The following DOCK4 variants were observed in gnomAD, a reference collection of about 807,000 sequenced individuals.
The protein encoded by DOCK4 is dedicator of cytokinesis 4.
Under a neutral mutation model 268.1 loss-of-function variants are expected in DOCK4, and 97 were observed. The observed-to-expected ratio is 0.36, with a 90% CI of 0.31 to 0.43. The LOEUF is 0.43. Among genes scored for constraint, DOCK4 ranks in the 20% least tolerant of loss-of-function variants. DOCK4 has a pLI of 1.00. For missense variants in DOCK4, 2,145 were observed against 2,455.7 expected, an observed-to-expected ratio of 0.87 and a Z score of 2.67; for synonymous variants, 954 against 887.2, an observed-to-expected ratio of 1.08 and a Z score of -1.34.
intron 1 of DOCK4, among the ~76,000 whole-genome samples, chr7:112,162,338 GC>G (rs373853147): frequency 3.2e-4 from 48 of 152,092 alleles, no homozygotes; most frequent in African/African-American, 1.1e-3. Flanking sequence ...TGGTACCCCA[GC>G]CCCCTTGCCT....
chr7:111,752,588 T>G (rs921693602), intron 42 of DOCK4, among the ~76,000 whole-genome samples: 2 of 141,948 alleles, frequency 1.4e-5, no homozygotes, highest in African/African-American at 2.6e-5. Flanking sequence ...GTTTTTTTTT[T>G]TTTTTTTTTT....
rs202207944 is a variant in DOCK4 at position 111,736,963 on chromosome 7, G to A, written c.5259C>T (p.Asp1753=). 4.0e-4 allele frequency: 646 copies of A among 1,604,826 alleles called. 1 individual carries two copies. The highest frequency in any genetic ancestry group is 4.7e-4 in the Non-Finnish European group (551 of 1,175,592). ...TTGGGTCACTGCGTGGCAAGGCCCC[G>A]TCTCCAATATGATTAAACAGCATCC... is the stretch of plus-strand genomic sequence containing the variant. ...SQRMLFNHIG[D]GALPRSDPNL... The change falls in exon 50 of 53, where the codon GAC becomes GAT. Residue 1753 remains aspartate, a synonymous_variant. Coordinates refer to ENST00000428084, the MANE Select transcript of DOCK4 (RefSeq NM_001363540.2).
At chr7:111,785,577 A>C (rs1278240192) in intron 32 of DOCK4, among the ~76,000 whole-genome samples, 1 of 152,178 alleles carries the variant, frequency 6.6e-6, no homozygotes, top group African/African-American at 2.4e-5. Context: ...CTCAAGACCA[A>C]ATGTTAGGAC....
intron 1 of DOCK4, among the ~76,000 whole-genome samples, chr7:112,164,912 C>T (rs925280498): frequency 6.6e-6 from 1 of 152,146 alleles, no homozygotes; most frequent in African/African-American, 2.4e-5. Context: ...TTATTACAAC[C>T]TGGTGAAACA....
chr7:112,004,668 G>A (rs916195746), intron 1 of DOCK4, among the ~76,000 whole-genome samples: 1 of 152,190 alleles, frequency 6.6e-6, no homozygotes, highest in Non-Finnish European at 1.5e-5. Context: ...CCAGAGCCTA[G>A]CATAGTATGT....
At chr7:112,039,604 C>A (rs984569531) in intron 1 of DOCK4, among the ~76,000 whole-genome samples, 1 of 152,038 alleles carries the variant, frequency 6.6e-6, no homozygotes, top group Non-Finnish European at 1.5e-5. Context: ...GCCCCCCGAG[C>A]CAGCTTTACC....
At chr7:112,190,090 T>C (rs1164986088) in intron 1 of DOCK4, among the ~76,000 whole-genome samples, 1 of 152,192 alleles carries the variant, frequency 6.6e-6, no homozygotes, top group Non-Finnish European at 1.5e-5. Context: ...GGATTATACA[T>C]CCTGGACAAC....
In DOCK4 at chr7:112,206,212, C is replaced by A; in HGVS notation, c.-74G>T. On this transcript the variant is annotated 5_prime_UTR_variant, in exon 1 of 53. Transcript: ENST00000428084. ...TCTCCGGCTCACAACAATGCACAGT[C>A]CCCGAGCAGCGCTGCAGTGCCGGAG... 2 of 1,484,226 alleles carry A rather than the reference C, an allele frequency of 1.3e-6. No individual in the cohort carries two copies. Among genetic ancestry groups the A allele is most frequent in the Non-Finnish European group, 1.8e-6 (2 of 1,086,808 alleles). 91.9% of individuals were successfully genotyped at this position (1,484,226 alleles called of 1,614,324 possible).
rs1026631752 is a variant in DOCK4, at chr7:112,144,778, A to G, written c.37+61324T>C. 2.0e-5 allele frequency among the ~76,000 whole-genome samples: 3 copies of G among 152,130 alleles called. No individual in the cohort carries two copies. In the South Asian group the frequency reaches 6.2e-4, roughly 32 times the overall value. ...CTGTAACTACACTCTGCACACCAAA[A>G]TACCACATCTCTAAAGCACACTGTG... On this transcript the variant is annotated intron_variant, in intron 1 of 52. Coordinates refer to ENST00000428084, the MANE Select transcript of DOCK4 (RefSeq NM_001363540.2).
intron 28 of DOCK4, among the ~76,000 whole-genome samples, chr7:111,809,914 A>T (rs1800962698): frequency 6.6e-6 from 1 of 152,056 alleles, no homozygotes; most frequent in African/African-American, 2.4e-5. Flanking sequence ...GCCCAGGCAA[A>T]TCTTTTAAGT....
intron 8 of DOCK4, among the ~76,000 whole-genome samples, chr7:111,965,221 T>G (rs370999473): frequency 1.6e-3 from 14 of 8,708 alleles, no homozygotes; most frequent in African/African-American, 5.1e-3. Context: ...ACTTTAAATA[T>G]AAATGGACTA....
At chr7:111,971,094 G>A (rs73207434) in intron 8 of DOCK4, 18,190 of 152,166 alleles carry the variant, frequency 0.12, 1,147 homozygotes, top group Middle Eastern at 0.18. Context: ...CTTCTGTATT[G>A]GACACATCTA....
At chr7:112,054,077 T>G (rs1283754228) in intron 1 of DOCK4, among the ~76,000 whole-genome samples, 1 of 152,124 alleles carries the variant, frequency 6.6e-6, no homozygotes, top group East Asian at 1.9e-4. Flanking sequence ...ATCACAGCAC[T>G]TTGAGAGGCC....
chr7:111,765,729 G>A (rs1239642914), intron 38 of DOCK4, among the ~76,000 whole-genome samples: 1 of 152,158 alleles, frequency 6.6e-6, no homozygotes, highest in Non-Finnish European at 1.5e-5. Context: ...GCACAGGTTG[G>A]GCAAGGATAA....
At chr7:111,805,870 C>G (rs1800629087) in intron 30 of DOCK4, among the ~76,000 whole-genome samples, 1 of 152,104 alleles carries the variant, frequency 6.6e-6, no homozygotes, top group Admixed American at 6.5e-5. Context: ...ATCTTATTTT[C>G]TAAAAGTTAG....
chr7:111,992,178 T>C (rs1799597014), intron 5 of DOCK4, among the ~76,000 whole-genome samples: 1 of 152,138 alleles, frequency 6.6e-6, no homozygotes, highest in Non-Finnish European at 1.5e-5. Context: ...CAACTAGCAC[T>C]TTTCAAGCAT....
At chr7:112,051,601 A>C (rs1351543314) in intron 1 of DOCK4, among the ~76,000 whole-genome samples, 1 of 152,084 alleles carries the variant, frequency 6.6e-6, no homozygotes, top group Non-Finnish European at 1.5e-5. Flanking sequence ...TTAATAGGTC[A>C]GGAGATCAGA....
At chr7:111,796,172 G>A (rs1231484238) in intron 30 of DOCK4, among the ~76,000 whole-genome samples, 1 of 152,152 alleles carries the variant, frequency 6.6e-6, no homozygotes, top group Non-Finnish European at 1.5e-5. Context: ...TCTATCACAG[G>A]AGGCGGGCTG....
In DOCK4 at chr7:112,120,244, C is replaced by T. The variant is rs75393817; in HGVS notation, c.37+85858G>A. On this transcript the variant is annotated intron_variant, in intron 1 of 52. Transcript: ENST00000428084. ...ATTACTAAACAAATAACAGCTAAAA[C>T]TCTGAACAGTAAAAACATCTATTAA... 6.9e-3 allele frequency among the ~76,000 whole-genome samples: 1,051 copies of T among 152,228 alleles called. 5 individuals carry two copies. Among genetic ancestry groups the T allele is most frequent in the African/African-American group, 0.023 (943 of 41,522 alleles).
Sources: gnomAD v4.1 joint callset for allele counts (sites outside exome capture counted in the v4.1 genomes callset) on GRCh38, gnomAD v4.1.1 for gene constraint, MANE v1.5 for transcripts, NCBI Gene and HGNC (gene_info 2026-07-23, HGNC 2026-07-21) for gene names.